Variants in MALAT1 observed in about 807,000 individuals in gnomAD.
MALAT1 encodes the protein hepcarcin.
exon 3 of MALAT1, chr11:65,503,395 A>G (rs888407549): frequency 9.7e-6 from 5 of 516,724 alleles, no homozygotes; most frequent in Middle Eastern, 3.2e-4. Flanking sequence ...AGTACACTTC[A>G]CTCAGAGGCA....
exon 1 of MALAT1, chr11:65,497,762 G>T (rs1360142644): frequency 9.0e-6 from 4 of 444,626 alleles, no homozygotes; most frequent in African/African-American, 2.0e-5. Flanking sequence ...CGAGACTTCT[G>T]TAAAGGACTG....
exon 3 of MALAT1, chr11:65,502,805 A>C (rs774670401): frequency 1.9e-6 from 1 of 513,014 alleles, no homozygotes; most frequent in South Asian, 1.4e-5. Context: ...ACTGATGAGA[A>C]CATTATCTGC....
chr11:65,500,849 A>C (rs745799258), exon 3 of MALAT1: 1 of 518,672 alleles, frequency 1.9e-6, no homozygotes, highest in Non-Finnish European at 3.8e-6. Flanking sequence ...ATAATGGGGG[A>C]GTTTCGTACT....
chr11:65,499,356 G>A (rs542303711), exon 3 of MALAT1: 11 of 494,066 alleles, frequency 2.2e-5, no homozygotes, highest in Non-Finnish European at 4.5e-5. Flanking sequence ...AAAGAAAATT[G>A]AGAGAAAGGA....
chr11:65,498,958 C>G (rs756953937), intron 2 of MALAT1: 1 of 518,544 alleles, frequency 1.9e-6, no homozygotes, highest in Non-Finnish European at 3.8e-6. Flanking sequence ...CTTTTTGCCT[C>G]CCTCACAAAG....
At chr11:65,499,552 T>TG (rs1307912588) in exon 3 of MALAT1, 1 of 457,992 alleles carries the variant, frequency 2.2e-6, no homozygotes, top group Admixed American at 2.4e-5. Flanking sequence ...CAGGGAGAAT[T>TG]GCGTCATTTA....
intron 2 of MALAT1, chr11:65,498,949 T>C: frequency 1.9e-6 from 1 of 518,906 alleles, no homozygotes; most frequent in Non-Finnish European, 3.8e-6. Flanking sequence ...GAAGAACTAC[T>C]TTTTGCCTCC....
At chr11:65,502,890 C>T (rs1040029056) in exon 3 of MALAT1, 2 of 490,628 alleles carry the variant, frequency 4.1e-6, no homozygotes, top group Non-Finnish European at 4.1e-6. Flanking sequence ...AAGTTAATTG[C>T]TTGTCAAGCT....
exon 3 of MALAT1, chr11:65,502,767 G>T (rs757928512): frequency 9.7e-6 from 5 of 515,600 alleles, no homozygotes; most frequent in Non-Finnish European, 1.9e-5. Context: ...CTCCATTGGG[G>T]AATAAGCATA....
intron 3 of MALAT1, chr11:65,505,116 G>GTGA (rs1259233125): frequency 1.9e-6 from 1 of 518,932 alleles, no homozygotes; most frequent in African/African-American, 1.9e-5. Context: ...TAACTGGCAT[G>GTGA]TGAGCAAACT....
chr11:65,501,447 CTTT>C (rs746073535), exon 3 of MALAT1: 1 of 514,554 alleles, frequency 1.9e-6, no homozygotes, highest in South Asian at 1.4e-5. Context: ...GGTAGTTACT[CTTT>C]TTTCCCCCCA....
At chr11:65,499,485 G>C (rs1471962889) in exon 3 of MALAT1, 2 of 464,976 alleles carry the variant, frequency 4.3e-6, no homozygotes, top group Admixed American at 2.5e-5. Context: ...ATTTGAAGGC[G>C]ATCTTTTAAA....
exon 3 of MALAT1, chr11:65,502,217 A>G: frequency 1.9e-6 from 1 of 519,002 alleles, no homozygotes; most frequent in Middle Eastern, 3.2e-4. Flanking sequence ...GGCTGACATT[A>G]ACTACAATTA....
chr11:65,498,166 CCTGA>C (rs757673254), intron 1 of MALAT1: 2 of 518,798 alleles, frequency 3.9e-6, no homozygotes, highest in Non-Finnish European at 7.7e-6. Context: ...TGGGTGTGTC[CCTGA>C]CTGGCTGCCC....
At chr11:65,499,997 A>G (rs1854504053) in exon 3 of MALAT1, 1 of 426,214 alleles carries the variant, frequency 2.3e-6, no homozygotes, top group African/African-American at 2.1e-5. Flanking sequence ...AAAATGAGGA[A>G]ATTATTGGTA....
chr11:65,500,667 C>T (rs778656044), exon 3 of MALAT1: 1 of 518,964 alleles, frequency 1.9e-6, no homozygotes, highest in Non-Finnish European at 3.8e-6. Flanking sequence ...GGCGGCTTGG[C>T]TTGGCAACCA....
exon 3 of MALAT1, chr11:65,501,720 A>G (rs1854550038): frequency 1.9e-6 from 1 of 519,050 alleles, no homozygotes. Context: ...GCTGAAAAGT[A>G]CAGCACAGTG....
exon 3 of MALAT1, chr11:65,499,342 T>C (rs889787375): frequency 1.2e-5 from 6 of 497,874 alleles, no homozygotes; most frequent in Admixed American, 2.1e-5. Flanking sequence ...AAAAAATGTA[T>C]TTAAAAGAAA....
chr11:65,501,029 T>G (rs1439744455), exon 3 of MALAT1: 1 of 508,620 alleles, frequency 2.0e-6, no homozygotes, highest in Non-Finnish European at 3.9e-6. Context: ...TTACACGAAT[T>G]TGAGGAAAAC....
Sources: allele counts gnomAD v4.1 joint callset, GRCh38; gene constraint gnomAD v4.1.1; transcripts MANE v1.5; gene names NCBI Gene and HGNC (gene_info 2026-07-23, HGNC 2026-07-21).